Variants in BRDT observed in about 807,000 individuals in gnomAD.
BRDT encodes the protein bromodomain testis associated, also known as bromodomain testis-specific protein.
Under a neutral mutation model 113.9 loss-of-function variants are expected in BRDT, and 77 were observed. The ratio of observed to expected loss-of-function variants is 0.68; its 90% CI spans 0.56 to 0.82. The LOEUF (loss-of-function observed/expected upper bound fraction) is 0.82, where lower values mean the gene tolerates loss of function less well. Among genes scored for constraint, BRDT ranks in the 40% least tolerant of loss-of-function variants. BRDT has a pLI of 0.00. For missense variants in BRDT, 1,027 were observed against 1,105.4 expected (o/e 0.93, Z 1.01); for synonymous variants, 358 against 366.5 (o/e 0.98, Z 0.26).
At chr1:91,958,460 C>T (rs1228277593) in intron 1 of BRDT, among the ~76,000 whole-genome samples, 2 of 152,122 alleles carry the variant, frequency 1.3e-5, no homozygotes, top group Admixed American at 6.6e-5. Context: ...GGGTGGTCTA[C>T]CCACCTTCAC....
intron 12 of BRDT, among the ~76,000 whole-genome samples, chr1:91,982,487 A>G (rs1374475288): frequency 6.6e-6 from 1 of 152,218 alleles, no homozygotes; most frequent in African/African-American, 2.4e-5. Context: ...ACCAAAAGGC[A>G]AATTCAGAAT....
chr1:91,950,071 C>G (rs1476374718), intron 1 of BRDT: 1 of 152,118 alleles, frequency 6.6e-6, no homozygotes, highest in Admixed American at 6.6e-5. Context: ...CTTTATTAAG[C>G]CCCTGGAACG....
chr1:91,977,001 T>G, intron 5 of BRDT, 42 bp from the exon 6 acceptor site: 1 of 1,446,282 alleles, frequency 6.9e-7, no homozygotes, highest in Admixed American at 2.3e-5. Context: ...GCTCTGAATA[T>G]CATCTCAAAT....
chr1:92,008,889 A>G (rs910727424), intron 18 of BRDT, among the ~76,000 whole-genome samples: 32 of 152,228 alleles, frequency 2.1e-4, no homozygotes, highest in Non-Finnish European at 2.8e-4. Context: ...TATTTATGGT[A>G]TACAATTATG....
At chr1:91,983,712 G>A (rs1382712979) in intron 12 of BRDT, among the ~76,000 whole-genome samples, 3 of 145,540 alleles carry the variant, frequency 2.1e-5, no homozygotes, top group African/African-American at 2.5e-5. Context: ...TTTTTGAGAC[G>A]GATTCTCACT....
intron 11 of BRDT, 101 bp from the exon 12 acceptor site, chr1:91,981,517 T>G (rs775190294): frequency 1.7e-5 from 27 of 1,557,088 alleles, no homozygotes; most frequent in Non-Finnish European, 2.4e-5. Flanking sequence ...GTGCTGAGAT[T>G]ACAGGCATGC....
chr1:91,965,286 T>C (rs1353952835), intron 3 of BRDT, among the ~76,000 whole-genome samples: 1 of 152,170 alleles, frequency 6.6e-6, no homozygotes, highest in African/African-American at 2.4e-5. Flanking sequence ...CAATACTTGT[T>C]CAGTCTATTT....
Position 92,014,186 on chromosome 1 carries a change from A to G in BRDT, c.2776-20A>G. On this transcript the variant is annotated intron_variant, in intron 18 of 18. Transcript: ENST00000399546. Reference sequence around the variant, plus strand: ...CATACATTTTTAAAGTAATATTAAAATTTTCTGCTTTTTCTACAGATGGTG... The same window carrying G: ...CATACATTTTTAAAGTAATATTAAAGTTTTCTGCTTTTTCTACAGATGGTG... 1 of 1,554,234 alleles carries G rather than the reference A, an allele frequency of 6.4e-7. No homozygotes were observed. The highest frequency in any genetic ancestry group is 8.7e-7 in the Non-Finnish European group (1 of 1,146,252).
chr1:91,968,382 T>TA, intron 4 of BRDT, 122 bp downstream of exon 4: 5 of 1,354,104 alleles, frequency 3.7e-6, no homozygotes, highest in Non-Finnish European at 4.9e-6. Context: ...ATTCTATTAA[T>TA]AAAAAATGTC....
intron 12 of BRDT, among the ~76,000 whole-genome samples, chr1:91,984,316 T>C (rs1399034150): frequency 1.3e-5 from 2 of 152,120 alleles, no homozygotes; most frequent in Non-Finnish European, 2.9e-5. Flanking sequence ...ACTAAGAACA[T>C]TTTTTACTTC....
At chr1:92,012,919 A>G (rs1412116900) in intron 18 of BRDT, among the ~76,000 whole-genome samples, 1 of 147,704 alleles carries the variant, frequency 6.8e-6, no homozygotes. Context: ...CAAGAAAAAA[A>G]AAAAAGAATG....
At chr1:92,006,769 TTTTTTATTTTTA>T (rs1305113851) in intron 18 of BRDT, among the ~76,000 whole-genome samples, 1 of 151,844 alleles carries the variant, frequency 6.6e-6, no homozygotes, top group Non-Finnish European at 1.5e-5. Context: ...GCCCAGCCTG[TTTTTTATTTTTA>T]TTTTTATTTT....
At chr1:91,950,013 T>C (rs544122091) in intron 1 of BRDT, 3 of 152,310 alleles carry the variant, frequency 2.0e-5, no homozygotes, top group African/African-American at 7.2e-5. Context: ...AAGTGGTCAT[T>C]TGGGACGGGG....
At chr1:92,003,013 T>C in intron 16 of BRDT, among the ~76,000 whole-genome samples, 1 of 152,206 alleles carries the variant, frequency 6.6e-6, no homozygotes, top group East Asian at 1.9e-4. Flanking sequence ...GCAAGTACTT[T>C]AGAGGACAAA....
chr1:91,968,241 T>A lies in BRDT; in HGVS notation c.426T>A (p.Val142=). Residue 142 remains valine, a synonymous_variant, in exon 4 of 19, where the codon GTT becomes GTA. Coordinates refer to ENST00000399546, the MANE Select transcript of BRDT (RefSeq NM_207189.4). ...CACAAGAAGAGCAAGTTGTGGGTGT[T>A]AAGGAAAGAATCAAGAAAGGTAAGG... ...QMPQEEQVVG[V]KERIKKGTQQ... is the part of the protein sequence containing the mutation. 1.2e-6 allele frequency: 2 copies of A among 1,614,112 alleles called. No individual in the cohort carries two copies. Among genetic ancestry groups the A allele is most frequent in the Non-Finnish European group, 1.7e-6 (2 of 1,179,996 alleles).
intron 18 of BRDT, among the ~76,000 whole-genome samples, chr1:92,007,725 C>T (rs1687452341): frequency 1.3e-5 from 2 of 152,150 alleles, no homozygotes; most frequent in African/African-American, 4.8e-5. Flanking sequence ...TATACCACCT[C>T]ATGTTTAGTG....
At chr1:91,969,873 G>C (rs1366693196) in intron 4 of BRDT, among the ~76,000 whole-genome samples, 2 of 146,974 alleles carry the variant, frequency 1.4e-5, no homozygotes, top group African/African-American at 5.1e-5. Context: ...TCGTTGCCCA[G>C]GCTGGAGTGC....
intron 12 of BRDT, among the ~76,000 whole-genome samples, chr1:91,985,700 G>A (rs1235729057): frequency 2.1e-5 from 3 of 142,272 alleles, no homozygotes; most frequent in Non-Finnish European, 3.0e-5. Flanking sequence ...GTGCAGTGGC[G>A]CCGTCTGGGC....
At chr1:92,002,897 T>C (rs1219453249) in intron 16 of BRDT, among the ~76,000 whole-genome samples, 1 of 152,236 alleles carries the variant, frequency 6.6e-6, no homozygotes, top group Non-Finnish European at 1.5e-5. Context: ...CATAAGGTAC[T>C]GTTCAAGGTG....
Sources: allele counts gnomAD v4.1 joint callset (sites outside exome capture counted in the v4.1 genomes callset), GRCh38; gene constraint gnomAD v4.1.1; transcripts MANE v1.5; gene names NCBI Gene and HGNC (gene_info 2026-07-23, HGNC 2026-07-21).